The following GRM5 variants were observed in gnomAD, a reference collection of about 807,000 sequenced individuals.
GRM5 encodes the protein glutamate metabotropic receptor 5, also known as metabotropic glutamate receptor 5.
GRM5 carries 19 observed loss-of-function variants against 83.1 expected under a neutral mutation model. The ratio of observed to expected loss-of-function variants is 0.23; its 90% confidence interval spans 0.16 to 0.34. The LOEUF (loss-of-function observed/expected upper bound fraction) is 0.34, where lower values mean the gene tolerates loss of function less well. Ranked by LOEUF, GRM5 falls within the 10% of genes least tolerant of loss-of-function variation. The probability of loss-of-function intolerance (pLI) is 1.00; values close to 1 mark genes in which losing one functional copy is unlikely to be tolerated. For synonymous variants in GRM5, 675 were observed against 633.6 expected (o/e 1.07, Z -0.98); for missense variants, 1,160 against 1,588.3 (o/e 0.73, Z 4.58).
intron 9 of GRM5, among the ~76,000 whole-genome samples, chr11:88,510,021 C>T (rs961631055): frequency 2.0e-5 from 3 of 152,148 alleles, no homozygotes; most frequent in African/African-American, 2.4e-5. Context: ...GTTCCAGTTC[C>T]GCCTTTATTC....
Position 88,505,521 on chromosome 11 carries a change from C to T in GRM5, c.*3071G>A, listed in dbSNP as rs962451880. Reference sequence around the variant, plus strand: ...CACGTTTGGGGATTTGCTTTTTTTCCTTGCTTCAGTCAAATCTCTTATAAT... The same window carrying T: ...CACGTTTGGGGATTTGCTTTTTTTCTTTGCTTCAGTCAAATCTCTTATAAT... On this transcript the variant is annotated 3_prime_UTR_variant, in exon 10 of 10. Coordinates refer to ENST00000305447, the MANE Select transcript of GRM5 (RefSeq NM_001143831.3). The T allele has an allele frequency of 2.0e-5, 3 of 152,062 alleles. No individual in the cohort carries two copies. The South Asian group carries it at 6.2e-4, about 31-fold the overall frequency. 9.4% of individuals were successfully genotyped at this position (152,062 alleles called of 1,614,324 possible). A position where few individuals can be genotyped will look rare whatever the true frequency, so the allele number is the denominator to read the frequency against.
chr11:88,617,901 A>G (rs866031244), intron 4 of GRM5, among the ~76,000 whole-genome samples: 1 of 152,184 alleles, frequency 6.6e-6, no homozygotes, highest in Non-Finnish European at 1.5e-5. Flanking sequence ...GGAGTGGGAC[A>G]GGGAGACAGT....
At chr11:88,644,066 A>T in intron 4 of GRM5, among the ~76,000 whole-genome samples, 1 of 152,228 alleles carries the variant, frequency 6.6e-6, no homozygotes, top group East Asian at 1.9e-4. Flanking sequence ...CACATTCTAC[A>T]AATATTATTT....
intron 4 of GRM5, among the ~76,000 whole-genome samples, chr11:88,607,062 C>T (rs1938167080): frequency 6.6e-6 from 1 of 150,612 alleles, no homozygotes; most frequent in Admixed American, 6.6e-5. Context: ...GGCCCAAATA[C>T]TGACACCTTT....
At chr11:88,691,604 T>C (rs1281308842) in intron 3 of GRM5, among the ~76,000 whole-genome samples, 2 of 152,216 alleles carry the variant, frequency 1.3e-5, no homozygotes, top group Admixed American at 1.3e-4. Context: ...CTGGGTATTT[T>C]ACAGACTTCA....
chr11:88,536,081 C>T (rs1387074038), intron 8 of GRM5, among the ~76,000 whole-genome samples: 1 of 152,112 alleles, frequency 6.6e-6, no homozygotes, highest in Non-Finnish European at 1.5e-5. Context: ...CAGTCATAAC[C>T]AGTTACTGTG....
intron 8 of GRM5, among the ~76,000 whole-genome samples, chr11:88,546,156 C>T (rs890804601): frequency 6.6e-6 from 1 of 151,966 alleles, no homozygotes; most frequent in African/African-American, 2.4e-5. Context: ...TTAACTTATT[C>T]AGAAGGCTGT....
intron 3 of GRM5, among the ~76,000 whole-genome samples, chr11:88,804,976 C>A (rs1295980088): frequency 6.6e-6 from 1 of 152,092 alleles, no homozygotes; most frequent in African/African-American, 2.4e-5. Flanking sequence ...AATTAAAAAA[C>A]TAAAGAAAGA....
intron 3 of GRM5, among the ~76,000 whole-genome samples, chr11:88,768,719 A>G (rs892434010): frequency 1.3e-5 from 2 of 151,850 alleles, no homozygotes; most frequent in Non-Finnish European, 2.9e-5. Context: ...GAATGGGGAG[A>G]GAGATGGGAT....
At position 89,025,078 on chromosome 11, in the gene GRM5, C is replaced by T. The variant is rs141721383; in HGVS notation, c.661+22134G>A. ...AATGAAATCTAGAAAGTCATCTTCA[C>T]GTTATACTGGCTTCATTTTTTCTTC... On this transcript the variant is annotated intron_variant, in intron 2 of 9. Transcript: ENST00000305447. 2.6e-4 allele frequency among the ~76,000 whole-genome samples: 39 copies of T among 152,302 alleles called. No homozygotes were observed. The East Asian group carries it at 5.4e-3, about 21-fold the overall frequency.
intron 8 of GRM5, among the ~76,000 whole-genome samples, chr11:88,540,823 T>C (rs1044148095): frequency 1.3e-5 from 2 of 152,096 alleles, no homozygotes; most frequent in African/African-American, 4.8e-5. Flanking sequence ...CTCAGCTCAC[T>C]GTAAGCTCTG....
intron 3 of GRM5, among the ~76,000 whole-genome samples, chr11:88,722,915 T>G (rs1450781655): frequency 6.6e-6 from 1 of 152,078 alleles, no homozygotes; most frequent in Non-Finnish European, 1.5e-5. Flanking sequence ...GTGTTGTACA[T>G]GCTATGGCTT....
At chr11:88,564,911 C>T (rs935819218) in intron 8 of GRM5, among the ~76,000 whole-genome samples, 2 of 152,048 alleles carry the variant, frequency 1.3e-5, no homozygotes, top group African/African-American at 2.4e-5. Flanking sequence ...TTTGTGCTGC[C>T]GTTTATAGTG....
chr11:88,741,035 G>T (rs1017610775), intron 3 of GRM5, among the ~76,000 whole-genome samples: 4 of 152,072 alleles, frequency 2.6e-5, no homozygotes, highest in Non-Finnish European at 5.9e-5. Flanking sequence ...CAGGATAGAA[G>T]AACAGCTTTA....
At chr11:89,048,268 C>T (rs775739922) in intron 1 of GRM5, among the ~76,000 whole-genome samples, 196 bp from the exon 2 acceptor site, 12 of 152,182 alleles carry the variant, frequency 7.9e-5, no homozygotes, top group African/African-American at 2.9e-4. Context: ...CTTCTTGACC[C>T]TGCCTTGCTT....
Position 89,034,031 on chromosome 11 carries a change from C to T in GRM5, c.661+13181G>A, listed in dbSNP as rs531557819. On this transcript the variant is annotated intron_variant, in intron 2 of 9. Transcript: ENST00000305447. ...ATTTAAGTCTTTCCAGAGTTCCACACAGATAATTAGATAATTATTATGAGG... is the reference window on the plus strand; with the variant it reads ...ATTTAAGTCTTTCCAGAGTTCCACATAGATAATTAGATAATTATTATGAGG... 5.0e-5 allele frequency among the ~76,000 whole-genome samples: 5 copies of T among 100,220 alleles called. No homozygotes were observed. In the South Asian group the frequency reaches 1.6e-3, roughly 31 times the overall value. 65.7% of individuals were successfully genotyped at this position (100,220 alleles called of 152,430 possible). A position where few individuals can be genotyped will look rare whatever the true frequency, so the allele number is the denominator to read the frequency against.
intron 2 of GRM5, among the ~76,000 whole-genome samples, chr11:89,009,810 A>G (rs1197325547): frequency 6.6e-4 from 92 of 138,784 alleles, no homozygotes; most frequent in Non-Finnish European, 6.8e-4. Flanking sequence ...CTGAGGCAGG[A>G]GAATGGCGTG....
chr11:89,024,086 C>T (rs138117470), intron 2 of GRM5, among the ~76,000 whole-genome samples: 118 of 151,776 alleles, frequency 7.8e-4, no homozygotes, highest in Middle Eastern at 3.4e-3. Flanking sequence ...CGTGGTGGTC[C>T]ACATCTATAA....
chr11:88,773,258 G>T (rs553749739), intron 3 of GRM5, among the ~76,000 whole-genome samples: 3 of 152,250 alleles, frequency 2.0e-5, no homozygotes, highest in South Asian at 2.1e-4. Flanking sequence ...CTTTTGAGAA[G>T]TGTCTGTCTG....
Sources: gnomAD v4.1 joint callset for allele counts (sites outside exome capture counted in the v4.1 genomes callset) on GRCh38, gnomAD v4.1.1 for gene constraint, MANE v1.5 for transcripts, NCBI Gene and HGNC (gene_info 2026-07-23, HGNC 2026-07-21) for gene names.